The following AKAIN1 variants were observed in gnomAD, a reference collection of about 807,000 sequenced individuals.
AKAIN1 encodes the protein A-kinase anchor protein inhibitor 1.
Under a neutral mutation model 3.7 loss-of-function variants are expected in AKAIN1, and 3 were observed. The ratio of observed to expected loss-of-function variants is 0.82; its 90% CI spans 0.37 to 2.12. AKAIN1 has a LOEUF of 2.12. AKAIN1 is among the 30% of genes most tolerant of loss of function. AKAIN1 has a pLI of 0.06. For synonymous variants in AKAIN1, 31 were observed against 30.8 expected, an observed-to-expected ratio of 1.01 and a Z score of -0.02; for missense variants, 82 against 82.7, an observed-to-expected ratio of 0.99 and a Z score of 0.03.
At chr18:5,183,016 G>C (rs115911332) in intron 1 of AKAIN1, among the ~76,000 whole-genome samples, 2,185 of 152,036 alleles carry the variant, frequency 0.014, 36 homozygotes, top group African/African-American at 0.044. Context: ...TTTGCAAATT[G>C]TTTGTTGCCT....
intron 1 of AKAIN1, among the ~76,000 whole-genome samples, chr18:5,191,418 T>C (rs180816087): frequency 1.3e-5 from 2 of 152,248 alleles, no homozygotes; most frequent in East Asian, 1.9e-4. Context: ...CCCCAAAAGA[T>C]ACATTTAGGT....
chr18:5,148,058 G>T (rs1485314703), intron 1 of AKAIN1, among the ~76,000 whole-genome samples: 2 of 152,212 alleles, frequency 1.3e-5, no homozygotes, highest in Admixed American at 6.5e-5. Context: ...TAGGTTGGTT[G>T]TTGGAGAATT....
intron 1 of AKAIN1, 37 bp from the exon 2 acceptor site, chr18:5,145,792 A>G: frequency 6.6e-7 from 1 of 1,518,612 alleles, no homozygotes; most frequent in Non-Finnish European, 8.9e-7. Context: ...AAAAGGAGAG[A>G]AATTAATTTC....
chr18:5,173,267 G>C (rs1170447235), intron 1 of AKAIN1, among the ~76,000 whole-genome samples: 2 of 152,058 alleles, frequency 1.3e-5, no homozygotes, highest in Non-Finnish European at 2.9e-5. Context: ...CAAATCATGG[G>C]CCATTATTGG....
chr18:5,155,563 C>T (rs1415030249), intron 1 of AKAIN1, among the ~76,000 whole-genome samples: 1 of 152,144 alleles, frequency 6.6e-6, no homozygotes, highest in Non-Finnish European at 1.5e-5. Context: ...GGCTGTAGCC[C>T]TCTATGAGAA....
chr18:5,150,707 C>T (rs2071075494), intron 1 of AKAIN1, among the ~76,000 whole-genome samples: 1 of 152,208 alleles, frequency 6.6e-6, no homozygotes, highest in Non-Finnish European at 1.5e-5. Flanking sequence ...CACCACGCCC[C>T]TCAGAACTTT....
At position 5,150,186 on chromosome 18, in the gene AKAIN1, C is replaced by T. The variant is rs150077935; in HGVS notation, c.17-4431G>A. 7.6e-4 allele frequency among the ~76,000 whole-genome samples: 116 copies of T among 152,270 alleles called. 1 individual carries two copies. Among genetic ancestry groups the T allele is most frequent in the African/African-American group, 2.6e-3 (107 of 41,546 alleles). On this transcript the variant is annotated intron_variant, in intron 1 of 1. Transcript: ENST00000434239. The stretch of plus-strand genomic sequence containing the variant: ...GCGGCATCACACTCATACTTCCTGG[C>T]GTTCCTATGGCATTCACTTGTAAGG...
At chr18:5,182,409 T>C (rs1291775140) in intron 1 of AKAIN1, among the ~76,000 whole-genome samples, 1 of 152,140 alleles carries the variant, frequency 6.6e-6, no homozygotes, top group East Asian at 1.9e-4. Context: ...TTCATCTTTA[T>C]TTTCACTACC....
At chr18:5,157,207 G>C (rs983906789) in intron 1 of AKAIN1, among the ~76,000 whole-genome samples, 1 of 152,054 alleles carries the variant, frequency 6.6e-6, no homozygotes, top group Non-Finnish European at 1.5e-5. Context: ...CCACACCCTG[G>C]GCCAGAGATC....
intron 1 of AKAIN1, among the ~76,000 whole-genome samples, chr18:5,195,000 T>C (rs950373401): frequency 6.6e-6 from 1 of 152,216 alleles, no homozygotes; most frequent in African/African-American, 2.4e-5. Flanking sequence ...TCTGCTTTTC[T>C]TTCAGAATAA....
rs533266024 is a variant in AKAIN1, at chr18:5,149,850, G to T, written c.17-4095C>A. ...CAGGCAGTGTTTTATTTTTGTTTTT[G>T]TTTTTGTTTTTTTCTGATGGGGTCT... On this transcript the variant is annotated intron_variant, in intron 1 of 1. Coordinates refer to ENST00000434239, the MANE Select transcript of AKAIN1 (RefSeq NM_001145194.2). 3.9e-3 allele frequency among the ~76,000 whole-genome samples: 597 copies of T among 152,074 alleles called. 1 individual carries two copies. The highest frequency in any genetic ancestry group is 0.01 in the Middle Eastern group (3 of 294).
In AKAIN1 at chr18:5,170,094, G is replaced by A. The variant is rs140127999; in HGVS notation, c.17-24339C>T. ...ATTTTTAACAAAAATACTGCCTATC[G>A]TGTGTGATGTGGCAAAATATGTGGC... is the stretch of plus-strand genomic sequence containing the variant. On this transcript the variant is annotated intron_variant, in intron 1 of 1. Transcript: ENST00000434239. Among the ~76,000 whole-genome samples, 10 of 152,204 alleles carry A rather than the reference G, an allele frequency of 6.6e-5. No homozygotes were observed. In the East Asian group the frequency reaches 9.7e-4, roughly 15 times the overall value.
chr18:5,194,355 C>A (rs970111718), intron 1 of AKAIN1, among the ~76,000 whole-genome samples: 7 of 152,088 alleles, frequency 4.6e-5, no homozygotes, highest in Non-Finnish European at 1.0e-4. Flanking sequence ...CTGCCTCATG[C>A]AAACTGAAAA....
At chr18:5,177,897 ACATCACTGGAGAAGACACAGTGT>A (rs1463627878) in intron 1 of AKAIN1, among the ~76,000 whole-genome samples, 1 of 152,132 alleles carries the variant, frequency 6.6e-6, no homozygotes, top group Non-Finnish European at 1.5e-5. Flanking sequence ...GCTGCTTAGA[ACATCACTGGAGAAGACACAGTGT>A]CAACACTGCC....
chr18:5,183,586 A>C (rs1054991096), intron 1 of AKAIN1, among the ~76,000 whole-genome samples: 1 of 152,086 alleles, frequency 6.6e-6, no homozygotes, highest in African/African-American at 2.4e-5. Context: ...AAAATTTAAA[A>C]AAAAACCCAG....
rs139661921 is a variant in AKAIN1 at position 5,143,384 on chromosome 18, G to A, written c.*2178C>T. Among the ~76,000 whole-genome samples, 39 of 152,230 alleles carry A rather than the reference G, an allele frequency of 2.6e-4. No individual in the cohort carries two copies. Among genetic ancestry groups the A allele is most frequent in the Non-Finnish European group, 2.8e-4 (19 of 68,020 alleles). On this transcript the variant is annotated 3_prime_UTR_variant, in exon 2 of 2. Coordinates refer to ENST00000434239, the MANE Select transcript of AKAIN1 (RefSeq NM_001145194.2). ...AGTCATATCTCTGTTCCTTGCTGTC[G>A]ATTTTCCATCTCAAAAATTATGGCA...
At chr18:5,152,122 T>C (rs189863811) in intron 1 of AKAIN1, among the ~76,000 whole-genome samples, 1 of 152,294 alleles carries the variant, frequency 6.6e-6, no homozygotes, top group African/African-American at 2.4e-5. Context: ...TGCCAGGCTC[T>C]GGACAGAAAT....
intron 1 of AKAIN1, among the ~76,000 whole-genome samples, chr18:5,186,359 T>C (rs1037349458): frequency 3.3e-5 from 5 of 152,054 alleles, no homozygotes; most frequent in African/African-American, 9.7e-5. Flanking sequence ...GAACATGTAC[T>C]CCTGAACTGA....
Position 5,196,154 on chromosome 18 carries a change from C to T in AKAIN1, c.16+884G>A, listed in dbSNP as rs1232074969. 9.2e-5 allele frequency among the ~76,000 whole-genome samples: 14 copies of T among 152,332 alleles called. No homozygotes were observed. The East Asian group carries it at 2.1e-3, about 23-fold the overall frequency. ...GAGAGTTCTAGGCCCCTCCAGCCTTCCCCACTCCCTGTTTTCCACAGCAGT... is the reference window on the plus strand; with the variant it reads ...GAGAGTTCTAGGCCCCTCCAGCCTTTCCCACTCCCTGTTTTCCACAGCAGT... On this transcript the variant is annotated intron_variant, in intron 1 of 1. Coordinates refer to ENST00000434239, the MANE Select transcript of AKAIN1 (RefSeq NM_001145194.2).
Sources: allele counts gnomAD v4.1 joint callset (sites outside exome capture counted in the v4.1 genomes callset), GRCh38; gene constraint gnomAD v4.1.1; transcripts MANE v1.5; gene names NCBI Gene and HGNC (gene_info 2026-07-23, HGNC 2026-07-21).